The following ADGRL4 variants were observed in gnomAD, a reference collection of about 807,000 sequenced individuals.
ADGRL4 encodes the protein adhesion G protein-coupled receptor L4.
A neutral mutation model predicts 74.8 loss-of-function variants in ADGRL4; 90 were observed. The ratio of observed to expected loss-of-function variants is 1.20; its 90% CI spans 1.02 to 1.43. The LOEUF (loss-of-function observed/expected upper bound fraction) is 1.43. Among genes scored for constraint, ADGRL4 ranks in the 40% most tolerant of loss-of-function variants. The pLI, the probability that ADGRL4 is intolerant of heterozygous loss-of-function variation, is 0.00. For missense variants in ADGRL4, 881 were observed against 814.3 expected (o/e 1.08, Z -1.00); for synonymous variants, 311 against 279.2 (o/e 1.11, Z -1.14).
At chr1:78,896,369 A>G (rs1250579493) in intron 12 of ADGRL4, among the ~76,000 whole-genome samples, 1 of 151,850 alleles carries the variant, frequency 6.6e-6, no homozygotes, top group Non-Finnish European at 1.5e-5. Flanking sequence ...CCTTTGGCCC[A>G]ATCTAACTCC....
chr1:78,938,180 A>G lies in ADGRL4; in HGVS notation c.496T>C (p.Leu166=). ...CCTAGTAATGAAGATGATTCAGCTA[A>G]TATTTCTATATATGTAATTATATCT... is the stretch of plus-strand genomic sequence containing the variant. ...PTDIITYIEI[L]AESSSLLGYK... is the part of the protein sequence containing the mutation. Residue 166 remains leucine (L), a synonymous_variant, in exon 5 of 15, where the codon TTA becomes CTA. Coordinates refer to ENST00000370742, the MANE Select transcript of ADGRL4 (RefSeq NM_022159.4). 6.2e-7 allele frequency: 1 copy of G among 1,612,260 alleles called. No homozygotes were observed. The highest frequency in any genetic ancestry group is 8.5e-7 in the Non-Finnish European group (1 of 1,179,138).
At chr1:78,940,695 G>C (rs1649457751) in intron 3 of ADGRL4, among the ~76,000 whole-genome samples, 1 of 152,072 alleles carries the variant, frequency 6.6e-6, no homozygotes, top group Admixed American at 6.6e-5. Flanking sequence ...AATTTATAAT[G>C]TAATTTATTT....
intron 7 of ADGRL4, among the ~76,000 whole-genome samples, chr1:78,930,331 A>ACAAAATTCTACT (rs1649211663): frequency 6.6e-6 from 1 of 151,406 alleles, no homozygotes; most frequent in African/African-American, 2.5e-5. Context: ...GAGAACAACA[A>ACAAAATTCTACT]CAAAATTCTA....
At chr1:78,917,414 A>G (rs1031589833) in intron 12 of ADGRL4, among the ~76,000 whole-genome samples, 1 of 150,634 alleles carries the variant, frequency 6.6e-6, no homozygotes. Flanking sequence ...ATTATATTTT[A>G]TATTTAAAAA....
chr1:78,951,202 T>G (rs1649715241), intron 2 of ADGRL4, among the ~76,000 whole-genome samples: 1 of 152,158 alleles, frequency 6.6e-6, no homozygotes, highest in African/African-American at 2.4e-5. Context: ...TATGGGGCAT[T>G]ATTGCACTCT....
rs958586982 is a variant in ADGRL4 at position 78,986,159 on chromosome 1, C to A, written c.172+18911G>T. Among the ~76,000 whole-genome samples the A allele has an allele frequency of 1.6e-4, 24 of 151,592 alleles. 1 individual carries two copies. The highest frequency in any genetic ancestry group is 1.3e-4 in the Admixed American group (2 of 15,138). The stretch of plus-strand genomic sequence containing the variant: ...GTATATAACAAACCTGCACATGAAT[C>A]CTTGGACCTAAACTAAAGGTTAAAA... On this transcript the variant is annotated intron_variant, in intron 2 of 14. Transcript: ENST00000370742.
rs763536413 is a variant in ADGRL4 at position 79,005,232 on chromosome 1, G to A, written c.23-13C>T. 8.8e-6 allele frequency: 14 copies of A among 1,591,734 alleles called. No homozygotes were observed. Among genetic ancestry groups the A allele is most frequent in the Non-Finnish European group, 1.1e-5 (13 of 1,168,586 alleles). On this transcript the variant is annotated splice_polypyrimidine_tract_variant and intron_variant, in intron 1 of 14. Coordinates refer to ENST00000370742, the MANE Select transcript of ADGRL4 (RefSeq NM_022159.4). The stretch of plus-strand genomic sequence containing the variant: ...GTGGAAAAAACCACTAAATAAAATA[G>A]AGAAATACACCTTTTCAAAAAGTAA...
Position 78,920,348 on chromosome 1 carries a change from T to C in ADGRL4, c.1296A>G (p.Gln432=), listed in dbSNP as rs1484928541. The change falls in exon 10 of 15, where the codon CAA becomes CAG. Residue 432 remains glutamine (Q), a synonymous_variant. Coordinates refer to ENST00000370742, the MANE Select transcript of ADGRL4 (RefSeq NM_022159.4). ...KDYNILTRIT[Q]LGIIISLICL... ...AAATCAGTGAAATAATTATTCCTAG[T>C]TGAGTGATCCTTGTAAGAATATTAT... 2 of 1,604,916 alleles carry C rather than the reference T, an allele frequency of 1.2e-6. No homozygotes were observed. The highest frequency in any genetic ancestry group is 1.3e-5 in the African/African-American group (1 of 74,746).
intron 10 of ADGRL4, among the ~76,000 whole-genome samples, 188 bp downstream of exon 10, chr1:78,919,995 A>G (rs1418410333): frequency 6.6e-6 from 1 of 151,972 alleles, no homozygotes; most frequent in East Asian, 1.9e-4. Flanking sequence ...TTTTTGCTGA[A>G]TGGACTTGAT....
At chr1:78,912,225 G>A (rs979564655) in intron 12 of ADGRL4, among the ~76,000 whole-genome samples, 1 of 151,870 alleles carries the variant, frequency 6.6e-6, no homozygotes, top group Non-Finnish European at 1.5e-5. Context: ...ATAGCTCTAT[G>A]ATTGAGATGT....
intron 2 of ADGRL4, among the ~76,000 whole-genome samples, chr1:79,002,728 C>T (rs1272136757): frequency 2.6e-5 from 4 of 151,956 alleles, no homozygotes; most frequent in African/African-American, 9.7e-5. Flanking sequence ...TATAAGGCCT[C>T]TGTTAATTAA....
At chr1:78,985,426 A>G (rs1557521159) in intron 2 of ADGRL4, among the ~76,000 whole-genome samples, 1 of 151,842 alleles carries the variant, frequency 6.6e-6, no homozygotes, top group Non-Finnish European at 1.5e-5. Flanking sequence ...AAAACAAAAT[A>G]TGCTGAAATG....
chr1:78,915,837 G>T (rs1453227678), intron 12 of ADGRL4, among the ~76,000 whole-genome samples: 1 of 151,852 alleles, frequency 6.6e-6, no homozygotes, highest in Admixed American at 6.6e-5. Context: ...GAAGAACAAA[G>T]ATAACTGGAG....
At chr1:78,894,794 G>A (rs150503440) in intron 12 of ADGRL4, among the ~76,000 whole-genome samples, 2 of 151,848 alleles carry the variant, frequency 1.3e-5, no homozygotes, top group Non-Finnish European at 2.9e-5. Context: ...AACAAAGAAA[G>A]ACTTAGAAGA....
At chr1:78,996,402 A>G (rs1650715600) in intron 2 of ADGRL4, among the ~76,000 whole-genome samples, 2 of 152,212 alleles carry the variant, frequency 1.3e-5, no homozygotes, top group African/African-American at 2.4e-5. Flanking sequence ...TGTATAAATA[A>G]AAGTGACAGG....
intron 2 of ADGRL4, among the ~76,000 whole-genome samples, chr1:79,001,262 G>C: frequency 6.6e-6 from 1 of 150,956 alleles, no homozygotes; most frequent in Admixed American, 6.6e-5. Context: ...AGGTATGAAT[G>C]AATTATGAAT....
At position 78,923,732 on chromosome 1, in the gene ADGRL4, AATAAAGT is replaced by A. The variant is rs1291190574; in HGVS notation, c.1084-1953_1084-1947del. Among the ~76,000 whole-genome samples, 7 of 151,986 alleles carry A rather than the reference AATAAAGT, an allele frequency of 4.6e-5. 1 individual carries two copies. Among genetic ancestry groups the A allele is most frequent in the African/African-American group, 1.4e-4 (6 of 41,430 alleles). On this transcript the variant is annotated intron_variant, in intron 8 of 14. Transcript: ENST00000370742. ...TGAAAAAATAAAGTTTCTCAGTGAAAATAAAGTATAAAGTGAAAATAAAGTATAAAGT... is the reference window on the plus strand; with the variant it reads ...TGAAAAAATAAAGTTTCTCAGTGAAAATAAAGTGAAAATAAAGTATAAAGT...
chr1:78,892,526 A>C (rs17411879), intron 13 of ADGRL4, among the ~76,000 whole-genome samples: 31,164 of 151,982 alleles, frequency 0.21, 3,276 homozygotes, highest in East Asian at 0.33. Context: ...ACTACATGAA[A>C]CCATAACTGG....
intron 2 of ADGRL4, among the ~76,000 whole-genome samples, chr1:79,003,909 T>C (rs186294867): frequency 1.3e-5 from 2 of 152,102 alleles, no homozygotes; most frequent in East Asian, 3.9e-4. Context: ...TCTTGTAAAA[T>C]AGTATATTAC....
Sources: allele counts gnomAD v4.1 joint callset (sites outside exome capture counted in the v4.1 genomes callset), GRCh38; gene constraint gnomAD v4.1.1; transcripts MANE v1.5; gene names NCBI Gene and HGNC (gene_info 2026-07-23, HGNC 2026-07-21).